Variants in PLEKHG4B observed in about 807,000 individuals in gnomAD.
The protein encoded by PLEKHG4B is pleckstrin homology domain-containing family G member 4B.
A neutral mutation model predicts 121.3 loss-of-function variants in PLEKHG4B; 111 were observed. The observed-to-expected ratio is 0.92, with a 90% CI of 0.78 to 1.07. The LOEUF (loss-of-function observed/expected upper bound fraction) is 1.07, where lower values mean the gene tolerates loss of function less well. Among genes scored for constraint, PLEKHG4B ranks in the 50% least tolerant of loss-of-function variants. The probability of loss-of-function intolerance (pLI) is 0.00; values close to 1 mark genes in which losing one functional copy is unlikely to be tolerated. For missense variants in PLEKHG4B, 1,831 were observed against 1,757.8 expected (o/e 1.04, Z -0.74); for synonymous variants, 738 against 725.0 (o/e 1.02, Z -0.29).
chr5:151,381 G>T, intron 6 of PLEKHG4B, 132 bp from the exon 7 acceptor site: 1 of 512,548 alleles, frequency 2.0e-6, no homozygotes. Flanking sequence ...GGCAAAGTCA[G>T]CCATGTTTTA....
At position 157,012 on chromosome 5, in the gene PLEKHG4B, T is replaced by G; in HGVS notation, c.2487+101T>G. The G allele has an allele frequency of 6.9e-7, 1 of 1,441,292 alleles. No individual in the cohort carries two copies. The highest frequency in any genetic ancestry group is 2.4e-5 in the East Asian group (1 of 40,890). 89.3% of individuals were successfully genotyped at this position (1,441,292 alleles called of 1,614,324 possible). On this transcript the variant is annotated intron_variant, in intron 11 of 19. Transcript: ENST00000637938. This position sits in a 1 kb window ranked among gnomAD's most constrained non-coding sequence, Gnocchi z 4.6. Reference sequence around the variant, plus strand: ...TCACACTGTGTCTTTAGGGCCTTGATCTGATTTCCATTTGGAATGAAATTA... The same window carrying G: ...TCACACTGTGTCTTTAGGGCCTTGAGCTGATTTCCATTTGGAATGAAATTA...
Position 156,243 on chromosome 5 carries a change from G to A in PLEKHG4B, c.2348+33G>A. The A allele has an allele frequency of 2.8e-6, 4 of 1,421,956 alleles. No individual in the cohort carries two copies. Among genetic ancestry groups the A allele is most frequent in the Non-Finnish European group, 3.7e-6 (4 of 1,080,946 alleles). 88.1% of individuals were successfully genotyped at this position (1,421,956 alleles called of 1,614,324 possible). ...CTCACAGGGGTCATGCTGGGCCCTG[G>A]CCCATCGAGGGAGCTGCTCGGGGGA... On this transcript the variant is annotated intron_variant, in intron 10 of 19. Coordinates refer to ENST00000637938, the MANE Select transcript of PLEKHG4B (RefSeq NM_052909.5). The surrounding 1 kb of genome is among the most constrained non-coding windows in gnomAD (Gnocchi z 4.4).
At chr5:146,807 T>C (rs1267726718) in intron 6 of PLEKHG4B, among the ~76,000 whole-genome samples, 5 of 147,702 alleles carry the variant, frequency 3.4e-5, no homozygotes, top group Non-Finnish European at 7.5e-5. Flanking sequence ...CTTTCCCCCT[T>C]GCATCGAGCC....
In PLEKHG4B at chr5:173,088, T is replaced by A. The variant is rs201225937; in HGVS notation, c.4221+21T>A. The A allele has an allele frequency of 9.9e-6, 16 of 1,610,818 alleles. No individual in the cohort carries two copies. In the African/African-American group the frequency reaches 1.9e-4, roughly 19 times the overall value. On this transcript the variant is annotated intron_variant, in intron 17 of 19. Transcript: ENST00000637938. The stretch of plus-strand genomic sequence containing the variant: ...TCAAGGTAGCACCCGCCCGGTCCGA[T>A]TGGGTGCAGGCCGAGCCAGGCCCTC...
Position 156,152 on chromosome 5 carries a change from G to C in PLEKHG4B, c.2290G>C (p.Glu764Gln). 6.3e-7 allele frequency: 1 copy of C among 1,594,910 alleles called. No individual in the cohort carries two copies. Among genetic ancestry groups the C allele is most frequent in the Non-Finnish European group, 8.5e-7 (1 of 1,170,986 alleles). The change falls in exon 10 of 20, where the codon GAG becomes CAG. Residue 764 changes from glutamate (E) to glutamine (Q), a missense_variant. Coordinates refer to ENST00000637938, the MANE Select transcript of PLEKHG4B (RefSeq NM_052909.5). This position sits in a 1 kb window ranked among gnomAD's most constrained non-coding sequence, Gnocchi z 4.4. ...CCCACTGCTTGTGTCTCTCAGGCTG[G>C]AGGGGGGCACCGTCCTGGCGCGGCT... ...EDPLLVSLRL[E>Q]GGTVLARLRR...
At chr5:102,182 A>G (rs1308433669) in intron 1 of PLEKHG4B, among the ~76,000 whole-genome samples, 3 of 152,194 alleles carry the variant, frequency 2.0e-5, no homozygotes, top group Non-Finnish European at 4.4e-5. Flanking sequence ...TAATCCATAT[A>G]AATCCCTGGA....
intron 18 of PLEKHG4B, among the ~76,000 whole-genome samples, chr5:175,374 G>A (rs72720473): frequency 0.055 from 8,377 of 152,018 alleles, 364 homozygotes; most frequent in Non-Finnish European, 0.076. Context: ...CCAGCCTGGC[G>A]GCTGCGAACA....
intron 13 of PLEKHG4B, among the ~76,000 whole-genome samples, chr5:164,645 G>C (rs1487591001): frequency 1.5e-5 from 2 of 131,330 alleles, no homozygotes; most frequent in Non-Finnish European, 3.3e-5. Context: ...TCACACTAAT[G>C]CTCTGACGGG....
At position 140,269 on chromosome 5, in the gene PLEKHG4B, A is replaced by G; in HGVS notation, c.1030A>G (p.Thr344Ala). 6.9e-7 allele frequency: 1 copy of G among 1,459,130 alleles called. No homozygotes were observed. Among genetic ancestry groups the G allele is most frequent in the Non-Finnish European group, 9.1e-7 (1 of 1,104,598 alleles). 90.4% of individuals were successfully genotyped at this position (1,459,130 alleles called of 1,614,324 possible). The change falls in exon 3 of 20, where the codon ACT becomes GCT. Residue 344 changes from threonine to alanine, a missense_variant. Coordinates refer to ENST00000637938, the MANE Select transcript of PLEKHG4B (RefSeq NM_052909.5). ...CAGGAGGCGGCCGCCGGGGGACCCC[A>G]CTTGTGTGCAGCCTAGACGCTGGTT... is the stretch of plus-strand genomic sequence containing the variant. ...SSRRRPPGDP[T>A]CVQPRRWFRE...
chr5:165,389 C>T (rs868647517), intron 13 of PLEKHG4B, among the ~76,000 whole-genome samples: 3 of 30,734 alleles, frequency 9.8e-5, no homozygotes, highest in Non-Finnish European at 1.4e-4. Context: ...AATCCTCTGA[C>T]GGGGCGGAGC....
At chr5:167,583 T>C (rs982199527) in intron 13 of PLEKHG4B, among the ~76,000 whole-genome samples, 11 of 152,150 alleles carry the variant, frequency 7.2e-5, no homozygotes, top group Admixed American at 3.9e-4. Context: ...ACCATGGCCC[T>C]GGGAAATCTC....
intron 1 of PLEKHG4B, among the ~76,000 whole-genome samples, chr5:97,830 A>G (rs1733674654): frequency 1.3e-5 from 2 of 152,134 alleles, no homozygotes; most frequent in Admixed American, 1.3e-4. Context: ...AGATTCTGTC[A>G]CAGTTCTGTG....
At chr5:116,048 C>G (rs186723502) in intron 2 of PLEKHG4B, among the ~76,000 whole-genome samples, 1 of 152,304 alleles carries the variant, frequency 6.6e-6, no homozygotes, top group Admixed American at 6.5e-5. Flanking sequence ...ATTCAGCATG[C>G]CTTTCTCACA....
chr5:174,146 A>G (rs548241620), intron 18 of PLEKHG4B, 48 bp downstream of exon 18: 24 of 918,054 alleles, frequency 2.6e-5, no homozygotes, highest in African/African-American at 1.4e-4. Flanking sequence ...GGGCACAGCT[A>G]GGGGCAGGGG....
intron 6 of PLEKHG4B, among the ~76,000 whole-genome samples, chr5:148,782 TAAAAAC>T (rs1279581386): frequency 2.0e-5 from 3 of 151,888 alleles, no homozygotes; most frequent in Non-Finnish European, 4.4e-5. Context: ...TTGTAAAAAA[TAAAAAC>T]AAAGCTGGAG....
At position 157,119 on chromosome 5, in the gene PLEKHG4B, GA is replaced by G. The variant is rs1239854896; in HGVS notation, c.2487+216del. The G allele has an allele frequency of 1.3e-5, 10 of 744,314 alleles. No individual in the cohort carries two copies. Among genetic ancestry groups the G allele is most frequent in the Middle Eastern group, 2.4e-4 (1 of 4,098 alleles). 46.1% of individuals were successfully genotyped at this position (744,314 alleles called of 1,614,324 possible). A position where few individuals can be genotyped will look rare whatever the true frequency, so the allele number is the denominator to read the frequency against. On this transcript the variant is annotated intron_variant, in intron 11 of 19. Transcript: ENST00000637938. This position sits in a 1 kb window ranked among gnomAD's most constrained non-coding sequence, Gnocchi z 4.6. ...ACGTGAGAGATACTGGATCAGTGGA[GA>G]AAAAAAATTTGTTTAATCCAGAGGA...
chr5:178,121 G>A (rs1238075369), intron 18 of PLEKHG4B, among the ~76,000 whole-genome samples: 1 of 152,198 alleles, frequency 6.6e-6, no homozygotes, highest in Non-Finnish European at 1.5e-5. Flanking sequence ...TTTCTGGTGG[G>A]GTCCCCCTAA....
rs187567928 is a variant in PLEKHG4B, at chr5:142,098, G to A, written c.1478-949G>A. On this transcript the variant is annotated intron_variant, in intron 3 of 19. Transcript: ENST00000637938. Reference sequence around the variant, plus strand: ...GTGCCGCACACACACGGGACCTACCGCAGAAAGAGCTTTGTAACAGAAGTA... The same window carrying A: ...GTGCCGCACACACACGGGACCTACCACAGAAAGAGCTTTGTAACAGAAGTA... 5.3e-5 allele frequency among the ~76,000 whole-genome samples: 8 copies of A among 152,288 alleles called. No individual in the cohort carries two copies. The East Asian group carries it at 1.5e-3, about 29-fold the overall frequency.
At chr5:124,228 A>G (rs1350154935) in intron 2 of PLEKHG4B, among the ~76,000 whole-genome samples, 7 of 152,036 alleles carry the variant, frequency 4.6e-5, no homozygotes, top group Non-Finnish European at 1.0e-4. Context: ...TATCTTTTTA[A>G]GTTTACCGAG....
Sources: allele counts gnomAD v4.1 joint callset (sites outside exome capture counted in the v4.1 genomes callset), GRCh38; gene constraint gnomAD v4.1.1; non-coding constraint Gnocchi (gnomAD v3.1); transcripts MANE v1.5; gene names NCBI Gene and HGNC (gene_info 2026-07-23, HGNC 2026-07-21).